The following DTX3 variants were observed in gnomAD, a reference collection of about 807,000 sequenced individuals.
DTX3 encodes the protein E3 ubiquitin-protein ligase DTX3.
Under a neutral mutation model 27.4 loss-of-function variants are expected in DTX3, and 10 were observed. That is an observed-to-expected ratio of 0.36 (90% CI 0.22 to 0.62). The LOEUF (loss-of-function observed/expected upper bound fraction) is 0.62. Ranked by LOEUF, DTX3 falls within the 20% of genes least tolerant of loss-of-function variation. DTX3 has a pLI of 0.68. For synonymous variants in DTX3, 171 were observed against 190.7 expected, an observed-to-expected ratio of 0.90 and a Z score of 0.85; for missense variants, 319 against 463.8, an observed-to-expected ratio of 0.69 and a Z score of 2.87.
intron 2 of DTX3, 169 bp downstream of exon 2, chr12:57,605,900 T>A (rs1425093269): frequency 6.6e-6 from 1 of 152,530 alleles, no homozygotes; most frequent in Non-Finnish European, 1.5e-5. Context: ...ATAGGAAATA[T>A]TCCGGTCCAT....
chr12:57,609,228 C>T lies in DTX3; in HGVS notation c.*76C>T. 2 of 1,363,950 alleles carry T rather than the reference C, an allele frequency of 1.5e-6. No individual in the cohort carries two copies. The highest frequency in any genetic ancestry group is 2.4e-5 in the South Asian group (2 of 83,414). 84.5% of individuals were successfully genotyped at this position (1,363,950 alleles called of 1,614,324 possible). ...GCAGAAGCCTCTTTCTCCTCTCTGC[C>T]CCCTGCCCCCCACACCACACCTGTA... On this transcript the variant is annotated 3_prime_UTR_variant, in exon 7 of 7. Transcript: ENST00000337737.
In DTX3 at chr12:57,607,404, C is replaced by T. The variant is rs768615754; in HGVS notation, c.541C>T (p.Arg181Trp). 4 of 1,613,732 alleles carry T rather than the reference C, an allele frequency of 2.5e-6. No homozygotes were observed. The highest frequency in any genetic ancestry group is 1.1e-5 in the South Asian group (1 of 90,996). Reference protein sequence around the residue: ...IQNAKTLEKCRHSFCEGCITR... With the variant: ...IQNAKTLEKCWHSFCEGCITR... ...GAATGCCAAGACATTGGAGAAGTGCCGGCATTCATTCTGCGAGGGCTGCAT... is the reference window on the plus strand; with the variant it reads ...GAATGCCAAGACATTGGAGAAGTGCTGGCATTCATTCTGCGAGGGCTGCAT... Residue 181 changes from arginine (R) to tryptophan (W), a missense_variant, in exon 5 of 7, where the codon CGG becomes TGG. Physicochemically the swap from Arg to Trp is moderately radical, Grantham distance 101. Coordinates refer to ENST00000337737, the MANE Select transcript of DTX3 (RefSeq NM_178502.4). The surrounding 1 kb of genome is among the most constrained non-coding windows in gnomAD (Gnocchi z 7.7).
chr12:57,608,610 C>G lies in DTX3; in HGVS notation c.841C>G (p.Leu281Val). Residue 281 changes from leucine to valine, a missense_variant, in exon 6 of 7, where the codon CTG becomes GTG. Transcript: ENST00000337737. This position sits in a 1 kb window ranked among gnomAD's most constrained non-coding sequence, Gnocchi z 6.1. ...DCPEGNKVLT[L>V]FRKAFDQRLT... ...CCCTGAGGGCAACAAGGTGCTGACC[C>G]TGTTCCGCAAGGCGTTTGACCAGCG... 1 of 1,614,208 alleles carries G rather than the reference C, an allele frequency of 6.2e-7. No individual in the cohort carries two copies. Among genetic ancestry groups the G allele is most frequent in the Non-Finnish European group, 8.5e-7 (1 of 1,180,028 alleles).
rs755288 is a variant in DTX3 at position 57,606,413 on chromosome 12, C to T, written c.-75-30C>T. ...ATGGGAATTGGGAGAAGGGGTTTCT[C>T]ACTTTCCTTCCATTTTTCCGCCCTA... On this transcript the variant is annotated intron_variant, in intron 3 of 6. Coordinates refer to ENST00000337737, the MANE Select transcript of DTX3 (RefSeq NM_178502.4). 1.4e-3 allele frequency: 2,162 copies of T among 1,568,362 alleles called. 18 individuals carry two copies. The African/African-American group carries it at 0.027, about 19-fold the overall frequency.
intron 4 of DTX3, 24 bp from the exon 5 acceptor site, chr12:57,606,841 G>A: frequency 3.2e-6 from 5 of 1,583,958 alleles, no homozygotes; most frequent in Non-Finnish European, 2.6e-6. Flanking sequence ...CCCCCACCCT[G>A]AGTCCCTTTC....
chr12:57,609,396 C>T lies in DTX3; in HGVS notation c.*244C>T, dbSNP rs1052994339. On this transcript the variant is annotated 3_prime_UTR_variant, in exon 7 of 7. Transcript: ENST00000337737. ...CCTCCAAGGCTCTGTTCTCCCCTCC[C>T]CGTGTACATATACTCCCGGTTTCCC... 6 of 544,032 alleles carry T rather than the reference C, an allele frequency of 1.1e-5. No homozygotes were observed. Among genetic ancestry groups the T allele is most frequent in the African/African-American group, 7.6e-5 (4 of 52,820 alleles). 33.7% of individuals were successfully genotyped at this position (544,032 alleles called of 1,614,324 possible).
chr12:57,608,632 A>G lies in DTX3; in HGVS notation c.863A>G (p.Gln288Arg). Residue 288 changes from glutamine to arginine, a missense_variant, in exon 6 of 7, where the codon CAG becomes CGG. Physicochemically the swap from Gln to Arg is conservative, Grantham distance 43 (BLOSUM62 1). Coordinates refer to ENST00000337737, the MANE Select transcript of DTX3 (RefSeq NM_178502.4). This position sits in a 1 kb window ranked among gnomAD's most constrained non-coding sequence, Gnocchi z 6.1. ...VLTLFRKAFD[Q>R]RLTFTIGTSM... ...ACCCTGTTCCGCAAGGCGTTTGACC[A>G]GCGTCTCACCTTCACTATCGGCACG... is the stretch of plus-strand genomic sequence containing the variant. 6.2e-7 allele frequency: 1 copy of G among 1,614,198 alleles called. No homozygotes were observed. Among genetic ancestry groups the G allele is most frequent in the Non-Finnish European group, 8.5e-7 (1 of 1,180,026 alleles).
At chr12:57,609,041 C>G in intron 6 of DTX3, 36 bp from the exon 7 acceptor site, 1 of 1,595,100 alleles carries the variant, frequency 6.3e-7, no homozygotes, top group Non-Finnish European at 8.6e-7. Context: ...GTTCAAACAG[C>G]TAACAACCCT....
chr12:57,609,197 G>T lies in DTX3; in HGVS notation c.*45G>T. 1 of 1,581,664 alleles carries T rather than the reference G, an allele frequency of 6.3e-7. No individual in the cohort carries two copies. Among genetic ancestry groups the T allele is most frequent in the Non-Finnish European group, 8.7e-7 (1 of 1,151,286 alleles). On this transcript the variant is annotated 3_prime_UTR_variant, in exon 7 of 7. Transcript: ENST00000337737. ...GGCCCCTGCTGTCTGCCTCTACTAG[G>T]ACCCAGCAGAAGCCTCTTTCTCCTC...
rs949344839 is a variant in DTX3, at chr12:57,607,529, T to C, written c.666T>C (p.Ser222=). Residue 222 remains serine, a synonymous_variant, in exon 5 of 7, where the codon TCT becomes TCC. Transcript: ENST00000337737. The surrounding 1 kb of genome is among the most constrained non-coding windows in gnomAD (Gnocchi z 7.7). Reference sequence around the variant, plus strand: ...CCCAGAATGGGCGGATGCTGGTCTCTAAGGACGCCACCCTCCTACTGCCCA... The same window carrying C: ...CCCAGAATGGGCGGATGCTGGTCTCCAAGGACGCCACCCTCCTACTGCCCA... ...NQPQNGRMLV[S]KDATLLLPSY... 9.3e-6 allele frequency: 15 copies of C among 1,614,094 alleles called. No homozygotes were observed. In the African/African-American group the frequency reaches 1.9e-4, roughly 20 times the overall value.
intron 1 of DTX3, 131 bp downstream of exon 1, chr12:57,604,989 G>C (rs1280155773): frequency 6.6e-6 from 1 of 151,334 alleles, no homozygotes; most frequent in African/African-American, 2.4e-5. Context: ...CGGGCTCCCC[G>C]CTCCGTGCCC....
At position 57,608,451 on chromosome 12, in the gene DTX3, C is replaced by T. The variant is rs1883847055; in HGVS notation, c.751-69C>T. ...TCAGACAGAGACTAGCCTGGATGAC[C>T]CTCCTCTGGCATCTGGGCCTTAGGA... is the stretch of plus-strand genomic sequence containing the variant. On this transcript the variant is annotated intron_variant, in intron 5 of 6. Transcript: ENST00000337737. The surrounding 1 kb of genome is among the most constrained non-coding windows in gnomAD (Gnocchi z 6.1). The T allele has an allele frequency of 6.3e-6, 9 of 1,420,076 alleles. No individual in the cohort carries two copies. Among genetic ancestry groups the T allele is most frequent in the Non-Finnish European group, 7.8e-6 (8 of 1,031,184 alleles). 88.0% of individuals were successfully genotyped at this position (1,420,076 alleles called of 1,614,324 possible). A position where few individuals can be genotyped will look rare whatever the true frequency, so the allele number is the denominator to read the frequency against.
rs1226738790 is a variant in DTX3, at chr12:57,605,580, G to A, written c.-290G>A. 2 of 152,208 alleles carry A rather than the reference G, an allele frequency of 1.3e-5. No homozygotes were observed. The highest frequency in any genetic ancestry group is 4.8e-5 in the African/African-American group (2 of 41,412). 9.4% of individuals were successfully genotyped at this position (152,208 alleles called of 1,614,324 possible). A position where few individuals can be genotyped will look rare whatever the true frequency, so the allele number is the denominator to read the frequency against. ...CTTCTTTCTGTTTGAGCTGCATTTGGAAGTGTTGTGGAGACAGCCCCGTAG... is the reference window on the plus strand; with the variant it reads ...CTTCTTTCTGTTTGAGCTGCATTTGAAAGTGTTGTGGAGACAGCCCCGTAG... On this transcript the variant is annotated 5_prime_UTR_variant, in exon 2 of 7. Transcript: ENST00000337737.
rs201505564 is a variant in DTX3, at chr12:57,607,240, G to T, written c.377G>T (p.Arg126Leu). 1.3e-6 allele frequency: 2 copies of T among 1,597,926 alleles called. No individual in the cohort carries two copies. The highest frequency in any genetic ancestry group is 2.2e-5 in the South Asian group (2 of 89,576). ...EMHRAGPPPLRAAPLLPPGAR... is the reference protein window; with the variant it reads ...EMHRAGPPPLLAAPLLPPGAR... ...CACCGCGCAGGCCCACCCCCTCTCC[G>T]AGCAGCCCCACTTCTGCCCCCAGGA... Residue 126 changes from arginine (R) to leucine (L), a missense_variant, in exon 5 of 7, where the codon CGA becomes CTA. Physicochemically the swap from Arg to Leu is moderately radical, Grantham distance 102. Transcript: ENST00000337737. The surrounding 1 kb of genome is among the most constrained non-coding windows in gnomAD (Gnocchi z 7.7).
chr12:57,608,777 C>T lies in DTX3; in HGVS notation c.968+40C>T. The stretch of plus-strand genomic sequence containing the variant: ...CATTTCCTTTCCCTTGGCTCCTCCC[C>T]TTTGTTCCATTTCCACTGAGGGACC... On this transcript the variant is annotated intron_variant, in intron 6 of 6. Transcript: ENST00000337737. The surrounding 1 kb of genome is among the most constrained non-coding windows in gnomAD (Gnocchi z 6.1). 1 of 1,604,746 alleles carries T rather than the reference C, an allele frequency of 6.2e-7. No individual in the cohort carries two copies. The highest frequency in any genetic ancestry group is 8.5e-7 in the Non-Finnish European group (1 of 1,174,772).
chr12:57,609,333 C>T lies in DTX3; in HGVS notation c.*181C>T, dbSNP rs1321220485. 1.6e-6 allele frequency: 1 copy of T among 625,546 alleles called. No individual in the cohort carries two copies. The highest frequency in any genetic ancestry group is 1.8e-5 in the African/African-American group (1 of 54,640). 38.7% of individuals were successfully genotyped at this position (625,546 alleles called of 1,614,324 possible). Reference sequence around the variant, plus strand: ...CCCATCCCCCACTGGCCAAGTGTTTCAATGCAGTGTGAGCCACTCCCTTCT... The same window carrying T: ...CCCATCCCCCACTGGCCAAGTGTTTTAATGCAGTGTGAGCCACTCCCTTCT... On this transcript the variant is annotated 3_prime_UTR_variant, in exon 7 of 7. Transcript: ENST00000337737.
rs12832034 is a variant in DTX3, at chr12:57,607,260, C to T, written c.397C>T (p.Pro133Ser). 6.3e-7 allele frequency: 1 copy of T among 1,593,222 alleles called. No homozygotes were observed. The highest frequency in any genetic ancestry group is 8.5e-7 in the Non-Finnish European group (1 of 1,170,566). ...TCTCCGAGCAGCCCCACTTCTGCCCCCAGGAGCTCGGGGGCTCCCCCCTCC... is the reference window on the plus strand; with the variant it reads ...TCTCCGAGCAGCCCCACTTCTGCCCTCAGGAGCTCGGGGGCTCCCCCCTCC... ...PPLRAAPLLP[P>S]GARGLPPPPP... Residue 133 changes from proline (P) to serine (S), a missense_variant, in exon 5 of 7, where the codon CCA becomes TCA. Pro to Ser is a moderately conservative substitution (Grantham distance 74). This residue lies in a region of DTX3 where 202 missense variants were observed against 205.3 expected (regional missense o/e 0.98). Transcript: ENST00000337737. The surrounding 1 kb of genome is among the most constrained non-coding windows in gnomAD (Gnocchi z 7.7).
rs369324744 is a variant in DTX3, at chr12:57,609,537, T to C, written c.*385T>C. ...TTGATTCCTAACCGCCCCCACATAC[T>C]GCTCCACCGCTGAACTTCGGGTGCC... On this transcript the variant is annotated 3_prime_UTR_variant, in exon 7 of 7. Coordinates refer to ENST00000337737, the MANE Select transcript of DTX3 (RefSeq NM_178502.4). 4.9e-6 allele frequency: 1 copy of C among 206,034 alleles called. No individual in the cohort carries two copies. The highest frequency in any genetic ancestry group is 1.0e-4 in the South Asian group (1 of 9,934). The allele number at this position is 206,034 out of a possible 1,614,324, so 12.8% of individuals were successfully genotyped here.
At position 57,609,142 on chromosome 12, in the gene DTX3, C is replaced by G; in HGVS notation, c.1034C>G (p.Thr345Arg). 6.2e-7 allele frequency: 1 copy of G among 1,614,174 alleles called. No individual in the cohort carries two copies. Among genetic ancestry groups the G allele is most frequent in the Non-Finnish European group, 8.5e-7 (1 of 1,180,020 alleles). The change falls in exon 7 of 7, where the codon ACA (threonine) becomes AGA (arginine). Residue 345 changes from threonine to arginine, a missense_variant. By Grantham distance (71) the Thr-to-Arg change is moderately conservative (BLOSUM62 -1). Coordinates refer to ENST00000337737, the MANE Select transcript of DTX3 (RefSeq NM_178502.4). ...GAGGAGCTGAGAGCGAAGGGTATCACAGATGACTGAAGGACATCGCCTTTG... is the reference window on the plus strand; with the variant it reads ...GAGGAGCTGAGAGCGAAGGGTATCAGAGATGACTGAAGGACATCGCCTTTG... The part of the protein sequence containing the change: ...VQEELRAKGI[T>R]DD
Sources: allele counts gnomAD v4.1 joint callset, GRCh38; gene constraint gnomAD v4.1.1; regional missense constraint gnomAD v4.1.1; non-coding constraint Gnocchi (gnomAD v3.1); transcripts MANE v1.5; gene names NCBI Gene and HGNC (gene_info 2026-07-23, HGNC 2026-07-21).